NPSR1: variants seen among roughly 807,000 people sequenced by gnomAD.
The protein encoded by NPSR1 is neuropeptide S receptor 1.
A neutral mutation model predicts 46.9 loss-of-function variants in NPSR1; 48 were observed. That is an observed-to-expected ratio of 1.02 (90% CI 0.81 to 1.30). The LOEUF is 1.30. Among genes scored for constraint, NPSR1 ranks in the 50% most tolerant of loss-of-function variants. NPSR1 has a pLI of 0.00. For synonymous variants in NPSR1, 176 were observed against 168.1 expected (o/e 1.05, Z -0.36); for missense variants, 450 against 449.5 (o/e 1.00, Z -0.01).
chr7:34,831,395 A>G (rs751589920), intron 5 of NPSR1, among the ~76,000 whole-genome samples: 1 of 151,926 alleles, frequency 6.6e-6, no homozygotes, highest in African/African-American at 2.4e-5. Context: ...TCTAATGCCT[A>G]GATCAGTTTT....
At chr7:34,857,019 G>A (rs1284418767) in intron 8 of NPSR1, among the ~76,000 whole-genome samples, 9 of 151,772 alleles carry the variant, frequency 5.9e-5, no homozygotes, top group Non-Finnish European at 1.2e-4. Context: ...ATGAGCTCCT[G>A]CATTCGTTAT....
chr7:34,794,375 T>A (rs1489556315), intron 3 of NPSR1, among the ~76,000 whole-genome samples: 1 of 151,912 alleles, frequency 6.6e-6, no homozygotes, highest in African/African-American at 2.4e-5. Context: ...GAAAATAAAA[T>A]AAAATTTTAG....
At chr7:34,697,656 T>C (rs979751900) in intron 2 of NPSR1, among the ~76,000 whole-genome samples, 1 of 151,884 alleles carries the variant, frequency 6.6e-6, no homozygotes, top group Admixed American at 6.6e-5. Context: ...TCTTAAAATT[T>C]GTATCATTTT....
chr7:34,858,867 G>C (rs895895201), intron 8 of NPSR1, among the ~76,000 whole-genome samples: 1 of 151,696 alleles, frequency 6.6e-6, no homozygotes, highest in East Asian at 1.9e-4. Flanking sequence ...AGATCTGGGG[G>C]GGGGACACAG....
chr7:34,703,818 C>T (rs323918), intron 2 of NPSR1: 72,652 of 152,228 alleles, frequency 0.48, 18,049 homozygotes, highest in African/African-American at 0.61. Context: ...TATTCATTTA[C>T]CATCTTTAAG....
At chr7:34,730,692 C>T (rs1784380640) in intron 2 of NPSR1, among the ~76,000 whole-genome samples, 1 of 152,210 alleles carries the variant, frequency 6.6e-6, no homozygotes, top group African/African-American at 2.4e-5. Flanking sequence ...TGACACACCC[C>T]ACCTAATTCT....
Position 34,844,996 on chromosome 7 carries a change from C to G in NPSR1, c.844+14C>G. On this transcript the variant is annotated intron_variant, in intron 7 of 8. Coordinates refer to ENST00000360581, the MANE Select transcript of NPSR1 (RefSeq NM_207172.2). ...TCATCATTCTTGGTAAGCAATGTCC[C>G]TCCTTGAGCTGTAAAGTGGTATGAA... 1 of 1,582,780 alleles carries G rather than the reference C, an allele frequency of 6.3e-7. No homozygotes were observed. The highest frequency in any genetic ancestry group is 8.7e-7 in the Non-Finnish European group (1 of 1,151,564).
At position 34,723,689 on chromosome 7, in the gene NPSR1, T is replaced by C. The variant is rs1583883070; in HGVS notation, c.280+39005T>C. Among the ~76,000 whole-genome samples, 26 of 152,286 alleles carry C rather than the reference T, an allele frequency of 1.7e-4. No homozygotes were observed. In the South Asian group the frequency reaches 5.4e-3, roughly 32 times the overall value. ...GCACTTGATCTATCCAGCCTTTTTT[T>C]GAGAGGGGGATCTCACTATGTTTCC... On this transcript the variant is annotated intron_variant, in intron 2 of 8. Transcript: ENST00000360581.
At chr7:34,792,643 A>ATATATATATTTT (rs1787946717) in intron 3 of NPSR1, among the ~76,000 whole-genome samples, 1 of 91,514 alleles carries the variant, frequency 1.1e-5, no homozygotes, top group African/African-American at 4.0e-5. Flanking sequence ...GTGTATGTGT[A>ATATATATATTTT]TATATATATG....
intron 2 of NPSR1, among the ~76,000 whole-genome samples, chr7:34,698,353 AC>A (rs747625634): frequency 7.8e-4 from 118 of 152,184 alleles, no homozygotes; most frequent in Non-Finnish European, 1.6e-3. Context: ...AAAATATATC[AC>A]ATTAATCCAG....
chr7:34,698,023 AT>A (rs1793620190), intron 2 of NPSR1, among the ~76,000 whole-genome samples: 1 of 152,162 alleles, frequency 6.6e-6, no homozygotes, highest in Admixed American at 6.5e-5. Context: ...AAGGAAAAGG[AT>A]GGTAAAGTAA....
chr7:34,743,861 G>A (rs1157702519), intron 2 of NPSR1, among the ~76,000 whole-genome samples: 1 of 152,036 alleles, frequency 6.6e-6, no homozygotes, highest in Admixed American at 6.6e-5. Context: ...TTACTTTCCT[G>A]TATGTTTTAG....
rs551250484 is a variant in NPSR1, at chr7:34,733,092, G to A, written c.281-45370G>A. Reference sequence around the variant, plus strand: ...TTAGACAAATGAATGATGAAACGGTGGTTAACAGAGTGTTAACAGGTCACT... The same window carrying A: ...TTAGACAAATGAATGATGAAACGGTAGTTAACAGAGTGTTAACAGGTCACT... On this transcript the variant is annotated intron_variant, in intron 2 of 8. Coordinates refer to ENST00000360581, the MANE Select transcript of NPSR1 (RefSeq NM_207172.2). Among the ~76,000 whole-genome samples the A allele has an allele frequency of 2.6e-5, 4 of 152,224 alleles. No individual in the cohort carries two copies. In the South Asian group the frequency reaches 8.3e-4, roughly 32 times the overall value.
chr7:34,812,662 C>T (rs191098190), intron 4 of NPSR1, among the ~76,000 whole-genome samples: 1 of 152,270 alleles, frequency 6.6e-6, no homozygotes, highest in African/African-American at 2.4e-5. Context: ...AGACTAGCTG[C>T]CTACTGCTCT....
At chr7:34,864,714 T>A (rs1791269398) in intron 8 of NPSR1, among the ~76,000 whole-genome samples, 1 of 151,842 alleles carries the variant, frequency 6.6e-6, no homozygotes, top group African/African-American at 2.4e-5. Context: ...CTCATGAGCA[T>A]CTTGAACAGA....
chr7:34,692,192 A>T (rs1793299802), intron 2 of NPSR1, among the ~76,000 whole-genome samples: 1 of 152,136 alleles, frequency 6.6e-6, no homozygotes, highest in Non-Finnish European at 1.5e-5. Flanking sequence ...CTATATATAG[A>T]CCAAATGGAC....
intron 2 of NPSR1, among the ~76,000 whole-genome samples, chr7:34,744,884 GA>G (rs781488578): frequency 5.3e-5 from 8 of 151,930 alleles, no homozygotes; most frequent in African/African-American, 1.7e-4. Context: ...AAAATATTCA[GA>G]AAAAAATGCA....
chr7:34,775,281 C>T (rs1786901099), intron 2 of NPSR1, among the ~76,000 whole-genome samples: 1 of 152,112 alleles, frequency 6.6e-6, no homozygotes, highest in Admixed American at 6.6e-5. Context: ...TTGTCTGTTT[C>T]ATGTGAATAC....
chr7:34,789,659 G>A (rs1315525558), intron 3 of NPSR1, among the ~76,000 whole-genome samples: 1 of 150,398 alleles, frequency 6.6e-6, no homozygotes, highest in African/African-American at 2.5e-5. Flanking sequence ...CAGGTGTGGT[G>A]GCGGGCCCCT....
Sources: gnomAD v4.1 joint callset for allele counts (sites outside exome capture counted in the v4.1 genomes callset) on GRCh38, gnomAD v4.1.1 for gene constraint, MANE v1.5 for transcripts, NCBI Gene and HGNC (gene_info 2026-07-23, HGNC 2026-07-21) for gene names.